Variants in PHACTR4 observed in about 807,000 individuals in gnomAD.
PHACTR4 encodes phosphatase and actin regulator 4.
In PHACTR4, 51 loss-of-function variants were observed where a neutral mutation model predicts 72.7. The observed-to-expected ratio is 0.70, with a 90% CI of 0.56 to 0.89. PHACTR4 has a LOEUF of 0.89. Ranked by LOEUF, PHACTR4 falls within the 40% of genes least tolerant of loss-of-function variation. The pLI, the probability that PHACTR4 is intolerant of heterozygous loss-of-function variation, is 0.00. For synonymous variants in PHACTR4, 255 were observed against 302.5 expected (o/e 0.84, Z 1.63); for missense variants, 731 against 861.8 (o/e 0.85, Z 1.90).
intron 1 of PHACTR4, among the ~76,000 whole-genome samples, chr1:28,404,926 A>G (rs1654213820): frequency 6.6e-6 from 1 of 151,766 alleles, no homozygotes; most frequent in Admixed American, 6.6e-5. Context: ...CTTCACCCTC[A>G]AGCAGGCCCC....
At chr1:28,487,724 G>GTTTTTTTTTTT (rs1054105118) in intron 9 of PHACTR4, among the ~76,000 whole-genome samples, 16 of 71,470 alleles carry the variant, frequency 2.2e-4, no homozygotes, top group African/African-American at 7.9e-4. Flanking sequence ...GTAGTTTTTT[G>GTTTTTTTTTTT]TTGTTTTTTT....
intron 2 of PHACTR4, among the ~76,000 whole-genome samples, chr1:28,446,716 T>C (rs550785535): frequency 6.6e-6 from 1 of 151,912 alleles, no homozygotes; most frequent in African/African-American, 2.4e-5. Flanking sequence ...GAGGCGGAGG[T>C]TGTCGTGAGC....
At chr1:28,448,948 G>A (rs577269971) in intron 2 of PHACTR4, among the ~76,000 whole-genome samples, 8 of 151,042 alleles carry the variant, frequency 5.3e-5, no homozygotes, top group African/African-American at 1.7e-4. Flanking sequence ...CCAGGAGTTC[G>A]AGACCAGCCT....
chr1:28,469,742 T>C (rs1234708105), intron 6 of PHACTR4, among the ~76,000 whole-genome samples: 6 of 152,196 alleles, frequency 3.9e-5, no homozygotes, highest in African/African-American at 1.4e-4. Context: ...GCAGTGTTTT[T>C]CTAGAAAGCC....
intron 1 of PHACTR4, among the ~76,000 whole-genome samples, chr1:28,406,339 A>G (rs1654323573): frequency 1.3e-5 from 2 of 152,192 alleles, no homozygotes. Context: ...TACAAAATTT[A>G]TGAATAAGTA....
At chr1:28,424,214 C>T (rs1461509055) in intron 2 of PHACTR4, among the ~76,000 whole-genome samples, 2 of 151,886 alleles carry the variant, frequency 1.3e-5, no homozygotes, top group Non-Finnish European at 2.9e-5. Flanking sequence ...ATTTTTGAGG[C>T]AGGGTCTCAC....
At chr1:28,397,935 G>C (rs769651229) in intron 1 of PHACTR4, among the ~76,000 whole-genome samples, 2 of 151,698 alleles carry the variant, frequency 1.3e-5, no homozygotes, top group Admixed American at 6.6e-5. Context: ...GGATGGTCTT[G>C]ATCTCCTGAC....
intron 6 of PHACTR4, among the ~76,000 whole-genome samples, chr1:28,472,138 G>A (rs184969323): frequency 1.3e-5 from 2 of 151,790 alleles, no homozygotes; most frequent in Non-Finnish European, 2.9e-5. Flanking sequence ...GTGTGAACCC[G>A]GGAGGCAGAG....
At chr1:28,484,158 T>C (rs1660472220) in intron 9 of PHACTR4, among the ~76,000 whole-genome samples, 1 of 151,908 alleles carries the variant, frequency 6.6e-6, no homozygotes, top group African/African-American at 2.4e-5. Context: ...CCCCATCTAC[T>C]AAAAATACAA....
intron 2 of PHACTR4, among the ~76,000 whole-genome samples, chr1:28,456,781 C>T (rs544542618): frequency 1.3e-5 from 2 of 152,100 alleles, no homozygotes; most frequent in Non-Finnish European, 2.9e-5. Context: ...CTCAGCTACT[C>T]AGGAGGCTGA....
At chr1:28,489,281 T>C in intron 10 of PHACTR4, 56 bp downstream of exon 10, 1 of 1,439,558 alleles carries the variant, frequency 6.9e-7, no homozygotes, top group Non-Finnish European at 9.6e-7. Context: ...GTTTCTGACT[T>C]TAATATACAT....
chr1:28,492,742 G>A (rs11807528), intron 12 of PHACTR4, among the ~76,000 whole-genome samples: 15,780 of 152,048 alleles, frequency 0.1, 1,877 homozygotes, highest in African/African-American at 0.3. Flanking sequence ...CCCCAGCAAC[G>A]GAGCGAGATT....
At chr1:28,413,291 A>G (rs1654900253) in intron 2 of PHACTR4, among the ~76,000 whole-genome samples, 1 of 152,166 alleles carries the variant, frequency 6.6e-6, no homozygotes, top group South Asian at 2.1e-4. Context: ...ATAGCAGCAG[A>G]GATATTGGTG....
At chr1:28,457,069 T>A (rs1658444756) in intron 2 of PHACTR4, among the ~76,000 whole-genome samples, 2 of 152,188 alleles carry the variant, frequency 1.3e-5, no homozygotes, top group South Asian at 4.1e-4. Flanking sequence ...TTTTGCACTT[T>A]AGTAATGAGG....
At position 28,407,328 on chromosome 1, in the gene PHACTR4, G is replaced by A. The variant is rs561183877; in HGVS notation, c.-38-82G>A. On this transcript the variant is annotated intron_variant, in intron 1 of 13. Coordinates refer to ENST00000373839, the MANE Select transcript of PHACTR4 (RefSeq NM_001048183.3). ...CTTTTAAACTATAGTCAATGTTACT[G>A]AATTAGGATTATTTTTTTAAAAGCA... 140 of 641,980 alleles carry A rather than the reference G, an allele frequency of 2.2e-4. 2 individuals are homozygous for A. The East Asian group carries it at 4.1e-3, about 19-fold the overall frequency. 39.8% of individuals were successfully genotyped at this position (641,980 alleles called of 1,614,324 possible).
chr1:28,370,624 C>CAAA (rs1026543199), intron 1 of PHACTR4, among the ~76,000 whole-genome samples: 1 of 142,294 alleles, frequency 7.0e-6, no homozygotes, highest in Admixed American at 7.0e-5. Flanking sequence ...AAAAAAAAAA[C>CAAA]CCTCCAGTGC....
At chr1:28,453,556 A>G in intron 2 of PHACTR4, 1 of 703,692 alleles carries the variant, frequency 1.4e-6, no homozygotes, top group South Asian at 1.7e-5. Flanking sequence ...GCTTCACGAG[A>G]GAGTGGGACT....
At chr1:28,486,752 A>T (rs1004974188) in intron 9 of PHACTR4, among the ~76,000 whole-genome samples, 2 of 151,680 alleles carry the variant, frequency 1.3e-5, no homozygotes, top group Non-Finnish European at 2.9e-5. Context: ...TCAGCTACTC[A>T]GGAGGCTGAG....
At chr1:28,472,646 G>T (rs1056572221) in intron 6 of PHACTR4, among the ~76,000 whole-genome samples, 1 of 150,864 alleles carries the variant, frequency 6.6e-6, no homozygotes, top group African/African-American at 2.4e-5. Context: ...GTGCTGTCCA[G>T]CCTGGAGTGC....
Sources: gnomAD v4.1 joint callset for allele counts (sites outside exome capture counted in the v4.1 genomes callset) on GRCh38, gnomAD v4.1.1 for gene constraint, MANE v1.5 for transcripts, NCBI Gene and HGNC (gene_info 2026-07-23, HGNC 2026-07-21) for gene names.